The following TRDN variants were observed in gnomAD, a reference collection of about 807,000 sequenced individuals.
TRDN encodes the protein triadin, also known as triadin in skeletal muscle.
In TRDN, 161 loss-of-function variants were observed where a neutral mutation model predicts 149.7. The observed-to-expected ratio is 1.08, with a 90% confidence interval of 0.95 to 1.23. TRDN has a LOEUF of 1.23. Ranked by LOEUF, TRDN falls within the 50% of genes most tolerant of loss-of-function variation. The probability of loss-of-function intolerance (pLI) is 0.00; values close to 1 mark genes in which losing one functional copy is unlikely to be tolerated. For synonymous variants in TRDN, 294 were observed against 250.5 expected (o/e 1.17, Z -1.64); for missense variants, 896 against 823.5 (o/e 1.09, Z -1.08).
intron 40 of TRDN, among the ~76,000 whole-genome samples, chr6:123,219,625 A>T (rs1446558465): frequency 6.6e-6 from 1 of 151,902 alleles, no homozygotes; most frequent in Non-Finnish European, 1.5e-5. Flanking sequence ...AGAAGCAACC[A>T]GGGAGTATTC....
intron 1 of TRDN, among the ~76,000 whole-genome samples, chr6:123,605,253 TATTTATA>T (rs1583313839): frequency 7.4e-6 from 1 of 135,478 alleles, no homozygotes; most frequent in East Asian, 2.5e-4. Context: ...ATCAAATAAT[TATTTATA>T]TATAAATATA....
At position 123,274,653 on chromosome 6, in the gene TRDN, C is replaced by A. The variant is rs1777311954; in HGVS notation, c.1585G>T (p.Glu529Ter). ...AAGCTCATGTTACCTGGTTTTGCTT[C>A]TTTTTTAATTTGGGGCTCTGAGGGA... ...EEKPEPQIKK[E>*]AKPAISEKVQ... Residue 529 changes from glutamate to a stop codon, truncating the protein, a stop_gained, in exon 27 of 41, where the codon GAA (glutamate) becomes TAA (stop). Coordinates refer to ENST00000334268, the MANE Select transcript of TRDN (RefSeq NM_006073.4). LOFTEE classifies it high-confidence loss of function. 1 of 1,608,188 alleles carries A rather than the reference C, an allele frequency of 6.2e-7. No homozygotes were observed. The highest frequency in any genetic ancestry group is 8.5e-7 in the Non-Finnish European group (1 of 1,176,986).
intron 1 of TRDN, among the ~76,000 whole-genome samples, chr6:123,607,261 G>A (rs1784569912): frequency 6.6e-6 from 1 of 152,172 alleles, no homozygotes; most frequent in Admixed American, 6.6e-5. Flanking sequence ...AAATGTGAAA[G>A]TAAATATGCT....
chr6:123,510,746 G>A (rs1562355601), intron 7 of TRDN, among the ~76,000 whole-genome samples: 1 of 151,448 alleles, frequency 6.6e-6, no homozygotes, highest in East Asian at 2.0e-4. Context: ...AGGTTTCAAG[G>A]TATTCTCCTG....
chr6:123,348,596 C>A (rs1780343006), intron 21 of TRDN, among the ~76,000 whole-genome samples: 1 of 151,992 alleles, frequency 6.6e-6, no homozygotes, highest in African/African-American at 2.4e-5. Context: ...AACAAAATTT[C>A]TCAGGAAACA....
intron 18 of TRDN, among the ~76,000 whole-genome samples, chr6:123,376,790 T>G (rs960310462): frequency 2.0e-5 from 3 of 152,088 alleles, no homozygotes; most frequent in African/African-American, 7.2e-5. Flanking sequence ...TTTGCGTGGT[T>G]TTTTAAATAA....
chr6:123,619,758 A>G (rs1395019869), intron 1 of TRDN, among the ~76,000 whole-genome samples: 2 of 152,182 alleles, frequency 1.3e-5, no homozygotes, highest in Non-Finnish European at 2.9e-5. Flanking sequence ...AAATTAGAAC[A>G]GGAGTTCTAA....
intron 12 of TRDN, among the ~76,000 whole-genome samples, chr6:123,402,789 A>G (rs1028012170): frequency 6.6e-5 from 10 of 152,214 alleles, no homozygotes; most frequent in Non-Finnish European, 1.3e-4. Context: ...TGGAAAAAAA[A>G]TAAGCTAGAT....
At chr6:123,471,724 T>G (rs1443300669) in intron 9 of TRDN, 1 of 152,226 alleles carries the variant, frequency 6.6e-6, no homozygotes, top group Non-Finnish European at 1.5e-5. Flanking sequence ...AAATACATAT[T>G]TCATGCATTC....
At chr6:123,459,426 G>A (rs1370021336) in intron 10 of TRDN, among the ~76,000 whole-genome samples, 1 of 152,040 alleles carries the variant, frequency 6.6e-6, no homozygotes, top group East Asian at 1.9e-4. Context: ...GTTGGTGGTT[G>A]TGGTCCCCTA....
chr6:123,250,501 A>G (rs1274333525), intron 38 of TRDN, among the ~76,000 whole-genome samples: 2 of 152,098 alleles, frequency 1.3e-5, no homozygotes, highest in African/African-American at 2.4e-5. Context: ...CTTTATAAAT[A>G]CCTAAGACAG....
intron 2 of TRDN, among the ~76,000 whole-genome samples, chr6:123,559,503 TC>T (rs869101052): frequency 1.3e-5 from 2 of 150,874 alleles, no homozygotes; most frequent in African/African-American, 2.5e-5. Context: ...CCTCTTGTAT[TC>T]CCCCCACTTA....
rs544181094 is a variant in TRDN at position 123,559,096 on chromosome 6, C to T, written c.233-10484G>A. Among the ~76,000 whole-genome samples the T allele has an allele frequency of 3.2e-4, 48 of 152,342 alleles. 1 individual carries two copies. Among genetic ancestry groups the T allele is most frequent in the South Asian group, 2.1e-4 (1 of 4,830 alleles). ...TCCTTCCCAGATCTTCTTGGCTTAG[C>T]GGCTGAAGACTGACACTGCCCGATC... On this transcript the variant is annotated intron_variant, in intron 2 of 40. Coordinates refer to ENST00000334268, the MANE Select transcript of TRDN (RefSeq NM_006073.4).
At chr6:123,577,778 T>A (rs1782930446) in intron 1 of TRDN, among the ~76,000 whole-genome samples, 1 of 152,128 alleles carries the variant, frequency 6.6e-6, no homozygotes, top group Admixed American at 6.6e-5. Flanking sequence ...GTGTTCCCTT[T>A]TCTTTGCGGC....
At chr6:123,586,082 T>A (rs984054845) in intron 1 of TRDN, among the ~76,000 whole-genome samples, 1 of 152,158 alleles carries the variant, frequency 6.6e-6, no homozygotes, top group African/African-American at 2.4e-5. Context: ...AGTCATGAAC[T>A]GGGCTGGGTT....
intron 38 of TRDN, among the ~76,000 whole-genome samples, chr6:123,230,643 C>T (rs1775565391): frequency 6.6e-6 from 1 of 151,860 alleles, no homozygotes; most frequent in African/African-American, 2.4e-5. Context: ...AAACAATTTA[C>T]TAGAAACATA....
At position 123,217,143 on chromosome 6, in the gene TRDN, G is replaced by A. The variant is rs1774994078; in HGVS notation, c.*1458C>T. 1 of 151,950 alleles carries A rather than the reference G, an allele frequency of 6.6e-6. No homozygotes were observed. Among genetic ancestry groups the A allele is most frequent in the Admixed American group, 6.6e-5 (1 of 15,228 alleles). 9.4% of individuals were successfully genotyped at this position (151,950 alleles called of 1,614,324 possible). A position where few individuals can be genotyped will look rare whatever the true frequency, so the allele number is the denominator to read the frequency against. On this transcript the variant is annotated 3_prime_UTR_variant, in exon 41 of 41. Coordinates refer to ENST00000334268, the MANE Select transcript of TRDN (RefSeq NM_006073.4). ...TGACACTGGCTTTCGTGGTGTGAATGTGGTCCACCAGCTTTTGGCAGAGAC... is the reference window on the plus strand; with the variant it reads ...TGACACTGGCTTTCGTGGTGTGAATATGGTCCACCAGCTTTTGGCAGAGAC...
intron 1 of TRDN, among the ~76,000 whole-genome samples, chr6:123,590,305 T>G (rs1043519914): frequency 2.0e-5 from 3 of 152,190 alleles, no homozygotes; most frequent in Non-Finnish European, 4.4e-5. Context: ...GGGAGGAATC[T>G]AGGTTGTTGG....
chr6:123,341,717 G>A (rs1396398461), intron 21 of TRDN, among the ~76,000 whole-genome samples: 1 of 151,916 alleles, frequency 6.6e-6, no homozygotes, highest in African/African-American at 2.4e-5. Context: ...ATATTTAGGG[G>A]ATGGAGAATA....
Sources: allele counts gnomAD v4.1 joint callset (sites outside exome capture counted in the v4.1 genomes callset), GRCh38; gene constraint gnomAD v4.1.1; transcripts MANE v1.5; gene names NCBI Gene and HGNC (gene_info 2026-07-23, HGNC 2026-07-21).